The following PPP1R9A variants were observed in gnomAD, a reference collection of about 807,000 sequenced individuals.
PPP1R9A encodes protein phosphatase 1 regulatory subunit 9A.
PPP1R9A carries 59 observed loss-of-function variants against 141.9 expected under a neutral mutation model. The ratio of observed to expected loss-of-function variants is 0.42; its 90% CI spans 0.34 to 0.52. The LOEUF is 0.52. PPP1R9A is among the 20% of genes least tolerant of loss of function. PPP1R9A has a pLI of 0.10. For missense variants in PPP1R9A, 1,444 were observed against 1,611.9 expected (o/e 0.90, Z 1.78); for synonymous variants, 500 against 569.7 (o/e 0.88, Z 1.74).
At chr7:94,908,714 G>A (rs1432873719) in intron 1 of PPP1R9A, 1 of 152,268 alleles carries the variant, frequency 6.6e-6, no homozygotes, top group Non-Finnish European at 1.5e-5. Context: ...GGGGGTGTGT[G>A]TAGGGGAGAG....
chr7:95,192,885 A>C (rs1331251112), intron 5 of PPP1R9A, among the ~76,000 whole-genome samples: 1 of 152,132 alleles, frequency 6.6e-6, no homozygotes, highest in East Asian at 1.9e-4. Flanking sequence ...CTTACAGGAC[A>C]TATTTATAAA....
intron 2 of PPP1R9A, among the ~76,000 whole-genome samples, chr7:95,005,712 A>T (rs1215768627): frequency 1.3e-5 from 2 of 152,188 alleles, no homozygotes; most frequent in Non-Finnish European, 2.9e-5. Context: ...CAAGAAAGTT[A>T]ATAAAGCATT....
intron 4 of PPP1R9A, chr7:95,155,564 T>G (rs969234669): frequency 3.3e-5 from 5 of 152,198 alleles, no homozygotes; most frequent in Admixed American, 2.6e-4. Context: ...AGTACATTTC[T>G]GTGCTATCAC....
rs1185067748 is a variant in PPP1R9A, at chr7:94,926,418, G to T, written c.1395+14910G>T. 2.6e-5 allele frequency among the ~76,000 whole-genome samples: 4 copies of T among 152,088 alleles called. No homozygotes were observed. The East Asian group carries it at 7.7e-4, about 29-fold the overall frequency. On this transcript the variant is annotated intron_variant, in intron 2 of 19. Coordinates refer to ENST00000433360, the MANE Select transcript of PPP1R9A (RefSeq NM_001166160.2). ...TTTGCCTTAACTTTATATTTACTTT[G>T]ATCACCAAAGCTTGTAATTAGTTGC...
At chr7:95,133,792 G>A (rs1825120217) in intron 4 of PPP1R9A, among the ~76,000 whole-genome samples, 1 of 151,956 alleles carries the variant, frequency 6.6e-6, no homozygotes, top group South Asian at 2.1e-4. Flanking sequence ...CACCTCCCGG[G>A]TTCAAGCAAT....
In PPP1R9A at chr7:95,274,118, G is replaced by T; in HGVS notation, c.3246G>T (p.Lys1082Asn). The T allele has an allele frequency of 6.3e-7, 1 of 1,584,312 alleles. No individual in the cohort carries two copies. Among genetic ancestry groups the T allele is most frequent in the Non-Finnish European group, 8.5e-7 (1 of 1,171,410 alleles). ...APLRRNSSKGKKWKEKEKEAS... is the reference protein window; with the variant it reads ...APLRRNSSKGNKWKEKEKEAS... ...TGCGAAGGAATTCCAGCAAGGGAAA[G>T]AAGTGGAAAGAAAAAGAAAAAGAAG... The change falls in exon 16 of 20, where the codon AAG becomes AAT. Residue 1082 changes from lysine (K) to asparagine (N), a missense_variant. Coordinates refer to ENST00000433360, the MANE Select transcript of PPP1R9A (RefSeq NM_001166160.2).
chr7:95,018,801 G>A (rs1410248522), intron 2 of PPP1R9A, among the ~76,000 whole-genome samples: 1 of 152,132 alleles, frequency 6.6e-6, no homozygotes, highest in Non-Finnish European at 1.5e-5. Flanking sequence ...CTTACTGCCT[G>A]ACGTGCTGAG....
intron 2 of PPP1R9A, among the ~76,000 whole-genome samples, chr7:94,973,708 T>A (rs1799117343): frequency 6.6e-6 from 1 of 151,602 alleles, no homozygotes; most frequent in African/African-American, 2.4e-5. Flanking sequence ...AATTTTATTT[T>A]TTTTCTTTCT....
intron 2 of PPP1R9A, among the ~76,000 whole-genome samples, chr7:95,006,744 T>G (rs897016298): frequency 6.6e-6 from 1 of 152,214 alleles, no homozygotes; most frequent in Non-Finnish European, 1.5e-5. Context: ...TTCTCAATTC[T>G]GATATGGTCT....
intron 2 of PPP1R9A, among the ~76,000 whole-genome samples, chr7:94,994,777 C>T (rs530153138): frequency 4.1e-4 from 63 of 151,954 alleles, no homozygotes; most frequent in Middle Eastern, 6.8e-3. Context: ...ACCTGTAGTC[C>T]CAGCTACTTG....
rs112225242 is a variant in PPP1R9A at position 95,182,693 on chromosome 7, T to C, written c.1755-15656T>C. Among the ~76,000 whole-genome samples the C allele has an allele frequency of 9.7e-3, 1,474 of 152,298 alleles. 22 individuals carry two copies. Among genetic ancestry groups the C allele is most frequent in the African/African-American group, 0.032 (1,328 of 41,562 alleles). On this transcript the variant is annotated intron_variant, in intron 5 of 19. Transcript: ENST00000433360. ...TCCACCATTGTGGATTTTGTACTTA[T>C]TCCTAAGACTACCGCTTGCCCTAAG...
chr7:95,267,515 G>A (rs1283965036), intron 12 of PPP1R9A, among the ~76,000 whole-genome samples: 2 of 151,984 alleles, frequency 1.3e-5, no homozygotes, highest in African/African-American at 4.8e-5. Flanking sequence ...CCAATATCCA[G>A]GTATGTTAAT....
chr7:95,148,922 T>C (rs747814600), intron 4 of PPP1R9A, among the ~76,000 whole-genome samples: 2 of 150,620 alleles, frequency 1.3e-5, no homozygotes, highest in Non-Finnish European at 3.0e-5. Context: ...AAACTATAGA[T>C]TAATATCTCT....
chr7:95,219,193 G>C (rs2204631), intron 7 of PPP1R9A, among the ~76,000 whole-genome samples: 1 of 152,088 alleles, frequency 6.6e-6, no homozygotes, highest in African/African-American at 2.4e-5. Context: ...GCATTTGCTT[G>C]TCTGTAAAGG....
At chr7:95,062,445 G>A (rs1812364508) in intron 2 of PPP1R9A, among the ~76,000 whole-genome samples, 3 of 147,262 alleles carry the variant, frequency 2.0e-5, no homozygotes, top group Admixed American at 6.7e-5. Flanking sequence ...TTTAGATGGA[G>A]TCTCACTCTG....
intron 2 of PPP1R9A, among the ~76,000 whole-genome samples, chr7:95,007,738 C>T (rs1012639024): frequency 1.3e-5 from 2 of 152,110 alleles, no homozygotes; most frequent in African/African-American, 2.4e-5. Context: ...ATTTTAAATA[C>T]TATCCTTAGT....
intron 2 of PPP1R9A, among the ~76,000 whole-genome samples, chr7:95,044,732 AAT>A (rs1236816709): frequency 7.4e-6 from 1 of 134,286 alleles, no homozygotes; most frequent in African/African-American, 2.8e-5. Flanking sequence ...ATATATATAT[AAT>A]ATATATATAT....
rs933023020 is a variant in PPP1R9A, at chr7:95,079,991, G to A, written c.1396-31268G>A. 5.5e-4 allele frequency among the ~76,000 whole-genome samples: 83 copies of A among 152,172 alleles called. 1 individual carries two copies. The highest frequency in any genetic ancestry group is 1.8e-3 in the Admixed American group (28 of 15,270). On this transcript the variant is annotated intron_variant, in intron 2 of 19. Transcript: ENST00000433360. ...CCCACAGCCAATATCATACTGAATG[G>A]GCAAAAACTGGAAGCATTTCCTTTG... is the stretch of plus-strand genomic sequence containing the variant.
chr7:95,282,655 C>A (rs1804493071), intron 16 of PPP1R9A, among the ~76,000 whole-genome samples: 2 of 152,162 alleles, frequency 1.3e-5, no homozygotes, highest in African/African-American at 4.8e-5. Context: ...TATAATCAAC[C>A]AGATTCATGT....
Sources: gnomAD v4.1 joint callset for allele counts (sites outside exome capture counted in the v4.1 genomes callset) on GRCh38, gnomAD v4.1.1 for gene constraint, MANE v1.5 for transcripts, NCBI Gene and HGNC (gene_info 2026-07-23, HGNC 2026-07-21) for gene names.